INTS7: variants seen among roughly 807,000 people sequenced by gnomAD.
The protein encoded by INTS7 is chromosome 1 open reading frame 73.
In INTS7, 46 loss-of-function variants were observed where a neutral mutation model predicts 109.2. The ratio of observed to expected loss-of-function variants is 0.42; its 90% CI spans 0.33 to 0.54. The LOEUF (loss-of-function observed/expected upper bound fraction) is 0.54, where lower values mean the gene tolerates loss of function less well. Among genes scored for constraint, INTS7 ranks in the 20% least tolerant of loss-of-function variants. The probability of loss-of-function intolerance (pLI) is 0.07; values close to 1 mark genes in which losing one functional copy is unlikely to be tolerated. For missense variants in INTS7, 929 were observed against 1,132.4 expected (o/e 0.82, Z 2.58); for synonymous variants, 412 against 402.9 (o/e 1.02, Z -0.27).
chr1:211,980,187 T>A (rs934964858), intron 10 of INTS7, among the ~76,000 whole-genome samples: 3 of 152,222 alleles, frequency 2.0e-5, no homozygotes, highest in Non-Finnish European at 4.4e-5. Flanking sequence ...TTCCCTTCTC[T>A]ACTTCTTATT....
intron 1 of INTS7, among the ~76,000 whole-genome samples, chr1:212,035,028 C>A (rs1423566175): frequency 1.3e-5 from 2 of 152,220 alleles, no homozygotes; most frequent in African/African-American, 4.8e-5. Flanking sequence ...TTCACAATTT[C>A]TTTGCAGTGT....
At chr1:212,019,761 G>C (rs1463973451) in intron 3 of INTS7, among the ~76,000 whole-genome samples, 1 of 152,160 alleles carries the variant, frequency 6.6e-6, no homozygotes, top group Non-Finnish European at 1.5e-5. Context: ...ACATAATCAA[G>C]GAAGAATATA....
chr1:212,032,581 A>G (rs1667216869), intron 1 of INTS7, among the ~76,000 whole-genome samples: 1 of 151,006 alleles, frequency 6.6e-6, no homozygotes, highest in South Asian at 2.1e-4. Context: ...GGTTCACGCC[A>G]TTCTCCTGCC....
chr1:211,991,777 T>C (rs2102444253), intron 7 of INTS7, among the ~76,000 whole-genome samples: 1 of 152,108 alleles, frequency 6.6e-6, no homozygotes, highest in South Asian at 2.1e-4. Context: ...ACAGAATAAA[T>C]GGTAGAAAGC....
At chr1:212,022,666 CTAT>C in intron 1 of INTS7, among the ~76,000 whole-genome samples, 1 of 151,726 alleles carries the variant, frequency 6.6e-6, no homozygotes, top group Non-Finnish European at 1.5e-5. Context: ...TATGGGATAA[CTAT>C]AACTCTCATA....
intron 7 of INTS7, among the ~76,000 whole-genome samples, chr1:212,001,845 C>T (rs1665683882): frequency 6.6e-6 from 1 of 152,210 alleles, no homozygotes; most frequent in South Asian, 2.1e-4. Flanking sequence ...GGCCCCTTTG[C>T]TGGTTGTTTC....
chr1:211,958,250 T>A (rs144187133), intron 16 of INTS7, among the ~76,000 whole-genome samples: 29 of 152,268 alleles, frequency 1.9e-4, no homozygotes, highest in Admixed American at 7.8e-4. Flanking sequence ...TAATTTAACC[T>A]TGATTTATTG....
rs1265084667 is a variant in INTS7 at position 211,959,222 on chromosome 1, C to T, written c.2184-6521G>A. 6.6e-6 allele frequency among the ~76,000 whole-genome samples: 1 copy of T among 152,178 alleles called. No homozygotes were observed. Among genetic ancestry groups the T allele is most frequent in the Non-Finnish European group, 1.5e-5 (1 of 68,032 alleles). On this transcript the variant is annotated intron_variant, in intron 16 of 19. Coordinates refer to ENST00000366994, the MANE Select transcript of INTS7 (RefSeq NM_015434.4). This position sits in a 1 kb window ranked among gnomAD's most constrained non-coding sequence, Gnocchi z 4.2. ...GGAATACGGCCAGGGGCAGCCATCC[C>T]TCTAGGCTTAACTTGCTGACTTGCT...
chr1:211,986,261 G>A (rs3010002), intron 8 of INTS7, among the ~76,000 whole-genome samples: 12 of 151,980 alleles, frequency 7.9e-5, no homozygotes, highest in Non-Finnish European at 1.6e-4. Flanking sequence ...ATCCAATCCT[G>A]GTCATACATG....
At chr1:211,971,095 C>G (rs1461819446) in intron 13 of INTS7, among the ~76,000 whole-genome samples, 2 of 152,192 alleles carry the variant, frequency 1.3e-5, no homozygotes, top group Non-Finnish European at 2.9e-5. Flanking sequence ...GTCCACTGCC[C>G]TAGAGAAGGG....
At chr1:211,970,657 A>G (rs1664129320) in intron 13 of INTS7, among the ~76,000 whole-genome samples, 1 of 152,214 alleles carries the variant, frequency 6.6e-6, no homozygotes. Flanking sequence ...TTCAAAAGGA[A>G]CTTCACAGAA....
At chr1:211,998,656 TATAA>T (rs1665521175) in intron 7 of INTS7, among the ~76,000 whole-genome samples, 1 of 143,810 alleles carries the variant, frequency 7.0e-6, no homozygotes, top group Non-Finnish European at 1.6e-5. Context: ...AAATACAACC[TATAA>T]AAGAAAAAAA....
At chr1:211,967,752 G>T in intron 15 of INTS7, 126 bp downstream of exon 15, 1 of 581,766 alleles carries the variant, frequency 1.7e-6, no homozygotes, top group Non-Finnish European at 3.0e-6. Flanking sequence ...TTTTAAAGGG[G>T]AAACTATATA....
chr1:211,987,786 T>C (rs561307581), intron 8 of INTS7, 100 bp downstream of exon 8: 3 of 589,102 alleles, frequency 5.1e-6, no homozygotes, highest in South Asian at 3.1e-5. Context: ...GAGATTTTTT[T>C]CCCTGATGTT....
At chr1:212,031,875 G>GC (rs1667180700) in intron 1 of INTS7, among the ~76,000 whole-genome samples, 1 of 152,208 alleles carries the variant, frequency 6.6e-6, no homozygotes, top group Non-Finnish European at 1.5e-5. Context: ...AAGTACAACA[G>GC]TTATAAATAT....
At chr1:211,999,693 G>A (rs17018334) in intron 7 of INTS7, among the ~76,000 whole-genome samples, 4,201 of 152,206 alleles carry the variant, frequency 0.028, 150 homozygotes, top group East Asian at 0.12. Context: ...TCTGTACCAA[G>A]AAGCAAATTA....
intron 8 of INTS7, 134 bp downstream of exon 8, chr1:211,987,752 A>T: frequency 2.2e-6 from 1 of 459,526 alleles, no homozygotes; most frequent in South Asian, 5.1e-5. Context: ...TGTTCAAATA[A>T]ATCACTAGCA....
At chr1:212,030,168 A>G (rs770197800) in intron 1 of INTS7, among the ~76,000 whole-genome samples, 7 of 152,232 alleles carry the variant, frequency 4.6e-5, no homozygotes, top group Non-Finnish European at 8.8e-5. Context: ...TGTGGGTTTC[A>G]GTAAAAACTT....
intron 15 of INTS7, among the ~76,000 whole-genome samples, chr1:211,967,168 A>T (rs1450395154): frequency 6.6e-6 from 1 of 152,204 alleles, no homozygotes; most frequent in Non-Finnish European, 1.5e-5. Context: ...GAAGGGTTTA[A>T]AAGTGACGAC....
Sources: allele counts gnomAD v4.1 joint callset (sites outside exome capture counted in the v4.1 genomes callset), GRCh38; gene constraint gnomAD v4.1.1; non-coding constraint Gnocchi (gnomAD v3.1); transcripts MANE v1.5; gene names NCBI Gene and HGNC (gene_info 2026-07-23, HGNC 2026-07-21).